Variants in KAZN observed in about 807,000 individuals in gnomAD.
KAZN encodes kazrin.
Under a neutral mutation model 87.4 loss-of-function variants are expected in KAZN, and 40 were observed. The observed-to-expected ratio is 0.46, with a 90% CI of 0.36 to 0.60. The LOEUF (loss-of-function observed/expected upper bound fraction) is 0.60. Ranked by LOEUF, KAZN falls within the 20% of genes least tolerant of loss-of-function variation. The pLI is 0.00. For missense variants in KAZN, 898 were observed against 1,073.9 expected, an observed-to-expected ratio of 0.84 and a Z score of 2.29; for synonymous variants, 466 against 458.3, an observed-to-expected ratio of 1.02 and a Z score of -0.22.
intron 2 of KAZN, among the ~76,000 whole-genome samples, chr1:14,565,750 A>T (rs1674513418): frequency 6.6e-6 from 1 of 152,224 alleles, no homozygotes; most frequent in East Asian, 1.9e-4. Context: ...AGTAGTTTCC[A>T]TCTCTAGAAG....
intron 1 of KAZN, among the ~76,000 whole-genome samples, chr1:14,852,275 G>A (rs561546066): frequency 1.4e-4 from 21 of 152,370 alleles, no homozygotes; most frequent in African/African-American, 4.6e-4. Context: ...AGTAGAAGGT[G>A]GGATCCAGGT....
chr1:14,562,013 C>T (rs1301416653), intron 2 of KAZN, among the ~76,000 whole-genome samples: 1 of 152,142 alleles, frequency 6.6e-6, no homozygotes, highest in Admixed American at 6.5e-5. Flanking sequence ...ACCTGGGAGA[C>T]CCGTTTGCCT....
chr1:14,006,037 A>G (rs1253420017), intron 1 of KAZN, among the ~76,000 whole-genome samples: 1 of 152,196 alleles, frequency 6.6e-6, no homozygotes, highest in African/African-American at 2.4e-5. Context: ...ATTCAAATAT[A>G]TATATTTTGG....
At chr1:14,524,460 G>A (rs150946452) in intron 2 of KAZN, among the ~76,000 whole-genome samples, 71 of 152,174 alleles carry the variant, frequency 4.7e-4, no homozygotes, top group African/African-American at 1.5e-3. Context: ...CCACTCCCCC[G>A]TCTCATTTCT....
Position 13,956,581 on chromosome 1 carries a change from T to C in KAZN, c.91+62825T>C, listed in dbSNP as rs1399876460. 2.0e-5 allele frequency among the ~76,000 whole-genome samples: 3 copies of C among 152,288 alleles called. No individual in the cohort carries two copies. The East Asian group carries it at 5.8e-4, about 29-fold the overall frequency. Reference sequence around the variant, plus strand: ...TTCTTTCTGGGCATCCCTCCAGGAATCTCGTGACTAAGTTTGTGTACTCCA... The same window carrying C: ...TTCTTTCTGGGCATCCCTCCAGGAACCTCGTGACTAAGTTTGTGTACTCCA... On this transcript the variant is annotated intron_variant, in intron 1 of 16. Coordinates refer to the KAZN transcript ENST00000636203.
At chr1:13,908,942 A>G (rs1639547455) in intron 1 of KAZN, among the ~76,000 whole-genome samples, 1 of 152,046 alleles carries the variant, frequency 6.6e-6, no homozygotes, top group South Asian at 2.1e-4. Flanking sequence ...GTACGAGGCT[A>G]CTCCTTGGGC....
At chr1:14,934,926 C>G (rs1660275370) in intron 1 of KAZN, among the ~76,000 whole-genome samples, 1 of 152,262 alleles carries the variant, frequency 6.6e-6, no homozygotes, top group Non-Finnish European at 1.5e-5. Context: ...TCAAACATCC[C>G]AGGCTGAGGG....
chr1:14,409,852 C>A (rs1664161360), intron 2 of KAZN, among the ~76,000 whole-genome samples: 1 of 151,988 alleles, frequency 6.6e-6, no homozygotes, highest in Admixed American at 6.6e-5. Flanking sequence ...ATAAGCTAGA[C>A]CATCAAAAAA....
chr1:14,151,599 C>T (rs564878495), intron 1 of KAZN, among the ~76,000 whole-genome samples: 40 of 152,318 alleles, frequency 2.6e-4, no homozygotes, highest in African/African-American at 9.6e-4. Flanking sequence ...AACATGATTC[C>T]TCTCATCATG....
intron 1 of KAZN, among the ~76,000 whole-genome samples, chr1:14,889,755 G>A (rs1395652861): frequency 2.6e-5 from 4 of 152,198 alleles, no homozygotes; most frequent in Non-Finnish European, 4.4e-5. Flanking sequence ...GTTTCACGAT[G>A]TGAAATTTAT....
Position 14,977,207 on chromosome 1 carries a change from G to A in KAZN, c.418+16332G>A, listed in dbSNP as rs182027351. On this transcript the variant is annotated intron_variant, in intron 2 of 14. Coordinates refer to ENST00000376030, the MANE Select transcript of KAZN (RefSeq NM_201628.3). ...GAGGCCCTGAGGGTCAGGACCTGACGGTGTCTGTCTCTGTCCTTCAGCCAC... is the reference window on the plus strand; with the variant it reads ...GAGGCCCTGAGGGTCAGGACCTGACAGTGTCTGTCTCTGTCCTTCAGCCAC... 5.3e-5 allele frequency among the ~76,000 whole-genome samples: 8 copies of A among 152,338 alleles called. No homozygotes were observed. In the East Asian group the frequency reaches 5.8e-4, roughly 11 times the overall value.
chr1:14,662,932 A>G (rs554246182), intron 1 of KAZN, among the ~76,000 whole-genome samples: 4 of 139,850 alleles, frequency 2.9e-5, no homozygotes, highest in Admixed American at 1.4e-4. Flanking sequence ...ATATGTATAT[A>G]TTATATATGT....
chr1:14,960,801 T>G lies in KAZN; in HGVS notation c.344T>G (p.Leu115Arg). The change falls in exon 2 of 15, where the codon CTC (leucine) becomes CGC (arginine). Residue 115 changes from leucine to arginine, a missense_variant. Leu to Arg is a moderately radical substitution (Grantham distance 102). Around this residue, in one of 3 missense-constraint regions of KAZN, gnomAD observed 250 missense variants for 263.0 expected, o/e 0.95. Coordinates refer to ENST00000376030, the MANE Select transcript of KAZN (RefSeq NM_201628.3). ...CAGGGCGGCAAGTCCTCTGAGGTCC[T>G]CTCGGCCACCGAGCTCAGGGTCCAG... is the stretch of plus-strand genomic sequence containing the variant. The part of the protein sequence containing the change: ...ESQGGKSSEV[L>R]SATELRVQLA... The G allele has an allele frequency of 6.2e-7, 1 of 1,612,756 alleles. No individual in the cohort carries two copies. The highest frequency in any genetic ancestry group is 8.5e-7 in the Non-Finnish European group (1 of 1,179,644).
At chr1:14,131,706 A>C (rs1644995852) in intron 1 of KAZN, among the ~76,000 whole-genome samples, 1 of 152,032 alleles carries the variant, frequency 6.6e-6, no homozygotes, top group Non-Finnish European at 1.5e-5. Flanking sequence ...TAAAAGAGGA[A>C]TTTACTGGGT....
intron 1 of KAZN, among the ~76,000 whole-genome samples, chr1:14,835,872 C>T (rs1647226806): frequency 6.6e-6 from 1 of 151,070 alleles, no homozygotes. Flanking sequence ...TTGAGGGGCA[C>T]CAATGTGTAA....
chr1:14,079,841 A>G (rs1043907518), intron 1 of KAZN, among the ~76,000 whole-genome samples: 1 of 152,132 alleles, frequency 6.6e-6, no homozygotes, highest in Non-Finnish European at 1.5e-5. Context: ...GCACCAAGCC[A>G]TTCATGAGGG....
At chr1:13,988,933 C>G (rs1639150528) in intron 1 of KAZN, among the ~76,000 whole-genome samples, 1 of 152,138 alleles carries the variant, frequency 6.6e-6, no homozygotes, top group Admixed American at 6.5e-5. Flanking sequence ...TCATTTTGTG[C>G]TGCTATACAG....
chr1:14,602,281 C>T (rs1297576047), intron 1 of KAZN, among the ~76,000 whole-genome samples: 3 of 152,172 alleles, frequency 2.0e-5, no homozygotes, highest in East Asian at 3.9e-4. Context: ...GATATTCTTT[C>T]GGAATCTGTG....
intron 1 of KAZN, among the ~76,000 whole-genome samples, chr1:14,162,597 T>A (rs1417896770): frequency 6.6e-6 from 1 of 150,570 alleles, no homozygotes; most frequent in Non-Finnish European, 1.5e-5. Context: ...CAGGCTGGAG[T>A]GCAGTGGCAC....
Sources: allele counts gnomAD v4.1 joint callset (sites outside exome capture counted in the v4.1 genomes callset), GRCh38; gene constraint gnomAD v4.1.1; regional missense constraint gnomAD v4.1.1; transcripts MANE v1.5; gene names NCBI Gene and HGNC (gene_info 2026-07-23, HGNC 2026-07-21).